The following UPRT variants were observed in gnomAD, a reference collection of about 807,000 sequenced individuals.
The protein encoded by UPRT is RP11-311P8.3.
UPRT carries 5 observed loss-of-function variants against 22.6 expected under a neutral mutation model. The observed-to-expected ratio is 0.22, with a 90% CI of 0.12 to 0.47. UPRT has a LOEUF of 0.47. Among genes scored for constraint, UPRT ranks in the 20% least tolerant of loss-of-function variants. The pLI, the probability that UPRT is intolerant of heterozygous loss-of-function variation, is 0.99. For missense variants in UPRT, 181 were observed against 239.9 expected (o/e 0.75, Z 1.62); for synonymous variants, 77 against 87.7 (o/e 0.88, Z 0.68).
At chrX:75,176,027 C>A (rs891333463) in intron 4 of UPRT, among the ~76,000 whole-genome samples, 4 of 111,502 alleles carry the variant, frequency 3.6e-5, no homozygotes, top group African/African-American at 1.3e-4. Context: ...AATCAATTGA[C>A]CCTCGAGTGA....
At chrX:75,185,820 T>C (rs1158060910) in intron 4 of UPRT, among the ~76,000 whole-genome samples, 1 of 111,770 alleles carries the variant, frequency 8.9e-6, no homozygotes, top group Non-Finnish European at 1.9e-5. Context: ...GCGGTGTTTG[T>C]AATATTCTCT....
rs1030362147 is a variant in UPRT at position 75,290,799 on chromosome X, G to T, written c.387-2673G>T. On this transcript the variant is annotated intron_variant, in intron 1 of 6. Coordinates refer to ENST00000373383, the MANE Select transcript of UPRT (RefSeq NM_145052.4). Reference sequence around the variant, plus strand: ...AGTAGACACTGGGGACTACTAAATGGGGGAAGGATGGAGGGGGACAAGAGT... The same window carrying T: ...AGTAGACACTGGGGACTACTAAATGTGGGAAGGATGGAGGGGGACAAGAGT... Among the ~76,000 whole-genome samples, 14 of 110,107 alleles carry T rather than the reference G, an allele frequency of 1.3e-4. No homozygotes were observed. In the Admixed American group the frequency reaches 1.4e-3, roughly 11 times the overall value.
rs1447625900 is a variant in UPRT at position 75,258,214 on chromosome X, TTTTC to T, written c.-446-32802_-446-32799del. On this transcript the variant is annotated intron_variant, in intron 4 of 13. Coordinates refer to the UPRT transcript ENST00000652605. ...AGGTGTTTTTTTTTTTTTTTTCCTTTTTTCTTTCTTTTTTTTTTTTCCATACGCC... is the reference window on the plus strand; with the variant it reads ...AGGTGTTTTTTTTTTTTTTTTCCTTTTTTCTTTTTTTTTTTTCCATACGCC... Among the ~76,000 whole-genome samples the T allele has an allele frequency of 2.3e-4, 23 of 100,692 alleles. No homozygotes were observed. In the Admixed American group the frequency reaches 2.3e-3, roughly 10 times the overall value. The allele number at this position is 100,692 out of a possible 115,157, so 87.4% of individuals were successfully genotyped here. A position where few individuals can be genotyped will look rare whatever the true frequency, so the allele number is the denominator to read the frequency against.
At chrX:75,285,416 T>C (rs898419101) in intron 1 of UPRT, 9 of 111,697 alleles carry the variant, frequency 8.1e-5, no homozygotes, top group African/African-American at 2.6e-4. Context: ...GATCCCTGTT[T>C]TGTCAGGCAG....
At chrX:75,178,135 C>T (rs760008839) in intron 4 of UPRT, among the ~76,000 whole-genome samples, 12 of 112,328 alleles carry the variant, frequency 1.1e-4, no homozygotes, top group South Asian at 7.5e-4. Flanking sequence ...ACAGGAAAAG[C>T]GGAAGCTGGT....
chrX:75,286,756 A>G (rs755827047), intron 1 of UPRT, among the ~76,000 whole-genome samples: 2 of 112,043 alleles, frequency 1.8e-5, no homozygotes, highest in Admixed American at 1.9e-4. Flanking sequence ...GCTACCTTTT[A>G]GTAGTAAGCA....
intron 4 of UPRT, among the ~76,000 whole-genome samples, chrX:75,227,311 G>T (rs1002471925): frequency 1.8e-5 from 2 of 111,813 alleles, no homozygotes; most frequent in Admixed American, 1.9e-4. Context: ...GGTGGCAGGG[G>T]TAGTGTTTGG....
chrX:75,247,820 C>A (rs1039867903), intron 4 of UPRT, among the ~76,000 whole-genome samples: 8 of 112,013 alleles, frequency 7.1e-5, no homozygotes, highest in Non-Finnish European at 1.3e-4. Flanking sequence ...AGGAGGCACC[C>A]CTCAGTATGG....
chrX:75,186,271 C>T (rs866491853), intron 4 of UPRT, among the ~76,000 whole-genome samples: 2 of 111,528 alleles, frequency 1.8e-5, no homozygotes, highest in Non-Finnish European at 3.8e-5. Context: ...GCCGTCATTT[C>T]GTTATGTACC....
chrX:75,213,784 TC>T (rs1177396859), intron 4 of UPRT, among the ~76,000 whole-genome samples: 1 of 111,649 alleles, frequency 9.0e-6, no homozygotes, highest in Non-Finnish European at 1.9e-5. Context: ...GGGCTAACAA[TC>T]CTTAATGTGT....
intron 1 of UPRT, among the ~76,000 whole-genome samples, chrX:75,282,760 G>A (rs761137084): frequency 3.6e-5 from 4 of 111,515 alleles, no homozygotes; most frequent in African/African-American, 9.8e-5. Flanking sequence ...GTTGTTGGAC[G>A]AAATGTTCTG....
chrX:75,226,378 T>C (rs2082423969), intron 4 of UPRT, among the ~76,000 whole-genome samples: 1 of 111,603 alleles, frequency 9.0e-6, no homozygotes, highest in Admixed American at 9.6e-5. Flanking sequence ...ACTCCTCCGA[T>C]TAAAACCATT....
chrX:75,166,965 T>G (rs1356280157), intron 3 of UPRT, among the ~76,000 whole-genome samples: 2 of 112,194 alleles, frequency 1.8e-5, no homozygotes, highest in Admixed American at 1.9e-4. Flanking sequence ...TTGGGTTGTT[T>G]CCATTTTGGG....
At chrX:75,203,385 C>T (rs1397582542) in intron 4 of UPRT, among the ~76,000 whole-genome samples, 1 of 109,934 alleles carries the variant, frequency 9.1e-6, no homozygotes, top group African/African-American at 3.3e-5. Flanking sequence ...TTAGACAGAT[C>T]AATGAGACAG....
intron 4 of UPRT, among the ~76,000 whole-genome samples, chrX:75,206,596 G>A (rs1273869495): frequency 9.0e-6 from 1 of 111,108 alleles, no homozygotes; most frequent in Non-Finnish European, 1.9e-5. Flanking sequence ...TTCCTGAACC[G>A]TGCCAGCCTG....
intron 4 of UPRT, among the ~76,000 whole-genome samples, chrX:75,220,904 A>G (rs1261851687): frequency 8.9e-6 from 1 of 111,799 alleles, no homozygotes; most frequent in Non-Finnish European, 1.9e-5. Flanking sequence ...ACTCACTATT[A>G]TCAGTGAGTT....
chrX:75,181,702 C>T (rs780756525), intron 4 of UPRT, among the ~76,000 whole-genome samples: 4 of 111,649 alleles, frequency 3.6e-5, no homozygotes, highest in African/African-American at 6.5e-5. Flanking sequence ...CTTTGTATCA[C>T]GAAACTTTGC....
chrX:75,273,611 A>G (rs2082619038), upstream of UPRT, among the ~76,000 whole-genome samples: 1 of 111,592 alleles, frequency 9.0e-6, no homozygotes, highest in Non-Finnish European at 1.9e-5. Context: ...GGCCCAACCA[A>G]TAAAGATAAG....
intron 4 of UPRT, among the ~76,000 whole-genome samples, chrX:75,179,358 C>G (rs2082261289): frequency 8.9e-6 from 1 of 112,700 alleles, no homozygotes; most frequent in Non-Finnish European, 1.9e-5. Context: ...AAACCTTGAG[C>G]TAGACACAGG....
Sources: allele counts gnomAD v4.1 joint callset (sites outside exome capture counted in the v4.1 genomes callset), GRCh38; gene constraint gnomAD v4.1.1; transcripts MANE v1.5; gene names NCBI Gene and HGNC (gene_info 2026-07-23, HGNC 2026-07-21).